Variants in STXBP6 observed in about 807,000 individuals in gnomAD.
STXBP6 encodes syntaxin-binding protein 6.
STXBP6 carries 21 observed loss-of-function variants against 26.9 expected under a neutral mutation model. The observed-to-expected ratio is 0.78, with a 90% CI of 0.55 to 1.12. The LOEUF (loss-of-function observed/expected upper bound fraction) is 1.12, where lower values mean the gene tolerates loss of function less well. STXBP6 is among the 50% of genes most tolerant of loss of function. The probability of loss-of-function intolerance (pLI) is 0.00; values close to 1 mark genes in which losing one functional copy is unlikely to be tolerated. For synonymous variants in STXBP6, 97 were observed against 92.6 expected (o/e 1.05, Z -0.27); for missense variants, 232 against 257.9 (o/e 0.90, Z 0.69).
intron 1 of STXBP6, among the ~76,000 whole-genome samples, chr14:25,039,175 AAAG>A (rs1244709868): frequency 6.6e-6 from 1 of 152,248 alleles, no homozygotes; most frequent in Non-Finnish European, 1.5e-5. Context: ...AAATTTTAAA[AAAG>A]AAGTCCAACA....
chr14:24,973,894 A>T (rs1358741311), intron 2 of STXBP6, among the ~76,000 whole-genome samples: 1 of 152,204 alleles, frequency 6.6e-6, no homozygotes, highest in Non-Finnish European at 1.5e-5. Context: ...AATTGAAGGA[A>T]AGTTTTTAAA....
At chr14:24,843,739 G>C (rs2068854822) in intron 4 of STXBP6, among the ~76,000 whole-genome samples, 1 of 152,100 alleles carries the variant, frequency 6.6e-6, no homozygotes, top group Non-Finnish European at 1.5e-5. Context: ...TCTTTTTAAT[G>C]ACATCATACC....
chr14:24,924,450 A>G (rs559026957), intron 2 of STXBP6, among the ~76,000 whole-genome samples: 144 of 152,304 alleles, frequency 9.5e-4, no homozygotes, highest in Non-Finnish European at 1.7e-3. Context: ...CTTCACAGAA[A>G]TTGCAAATCA....
chr14:24,818,599 A>T (rs112892743), intron 5 of STXBP6, among the ~76,000 whole-genome samples: 2 of 152,282 alleles, frequency 1.3e-5, no homozygotes, highest in African/African-American at 4.8e-5. Context: ...AGAGATAAGG[A>T]CACACTGCTA....
chr14:24,959,410 G>C (rs1328099867), intron 2 of STXBP6, among the ~76,000 whole-genome samples: 1 of 152,094 alleles, frequency 6.6e-6, no homozygotes, highest in African/African-American at 2.4e-5. Flanking sequence ...GCGATGGGGA[G>C]AACACAGAGC....
intron 1 of STXBP6, among the ~76,000 whole-genome samples, chr14:25,024,213 G>T (rs978696277): frequency 1.3e-5 from 2 of 152,078 alleles, no homozygotes; most frequent in African/African-American, 4.8e-5. Flanking sequence ...GGATGCTGAG[G>T]CAGAAGAATT....
intron 4 of STXBP6, among the ~76,000 whole-genome samples, chr14:24,839,632 AG>A (rs2139006890): frequency 6.6e-6 from 1 of 152,306 alleles, no homozygotes; most frequent in East Asian, 1.9e-4. Context: ...TTCTTGAAAA[AG>A]AAAAGTACTA....
At chr14:25,019,873 T>C (rs1234940760) in intron 1 of STXBP6, among the ~76,000 whole-genome samples, 1 of 151,506 alleles carries the variant, frequency 6.6e-6, no homozygotes, top group Non-Finnish European at 1.5e-5. Context: ...CGTGGGTTTT[T>C]TTTTTTTTTT....
chr14:24,934,532 C>T (rs1162477311), intron 2 of STXBP6, among the ~76,000 whole-genome samples: 1 of 152,156 alleles, frequency 6.6e-6, no homozygotes, highest in African/African-American at 2.4e-5. Flanking sequence ...GGATAACAGA[C>T]ATTCCATGAT....
At chr14:24,895,160 G>A (rs1281754035) in intron 2 of STXBP6, among the ~76,000 whole-genome samples, 1 of 152,110 alleles carries the variant, frequency 6.6e-6, no homozygotes, top group African/African-American at 2.4e-5. Context: ...TTTATAGTTG[G>A]CCAAAATAGT....
intron 2 of STXBP6, among the ~76,000 whole-genome samples, chr14:24,919,547 A>G (rs142356424): frequency 0.013 from 1,944 of 151,146 alleles, 21 homozygotes; most frequent in Non-Finnish European, 0.022. Flanking sequence ...TTTTTAAATC[A>G]AATTGCCCTC....
intron 1 of STXBP6, among the ~76,000 whole-genome samples, chr14:25,009,481 A>G (rs1354773233): frequency 6.6e-6 from 1 of 152,210 alleles, no homozygotes; most frequent in Admixed American, 6.5e-5. Flanking sequence ...CCCAAAGCCC[A>G]AAGTGTTAGC....
At chr14:24,889,086 A>C (rs2070695593) in intron 2 of STXBP6, among the ~76,000 whole-genome samples, 1 of 152,070 alleles carries the variant, frequency 6.6e-6, no homozygotes, top group Non-Finnish European at 1.5e-5. Context: ...TAAACAGCAC[A>C]GCCAGGCCAC....
In STXBP6 at chr14:25,049,135, C is replaced by CGGGGT. The variant is rs964792642; in HGVS notation, c.-33+738_-33+742dup. Reference sequence around the variant, plus strand: ...AGGTCCTGTCCTCTGTGAAGATGAACGGGGTGGGGTGGTGAGGTGGCGGGG... The same window carrying CGGGGT: ...AGGTCCTGTCCTCTGTGAAGATGAACGGGGTGGGGTGGGGTGGTGAGGTGGCGGGG... On this transcript the variant is annotated intron_variant, in intron 1 of 5. Transcript: ENST00000323944. This position sits in a 1 kb window ranked among gnomAD's most constrained non-coding sequence, Gnocchi z 5.6. The CGGGGT allele has an allele frequency of 2.2e-5, 22 of 983,042 alleles. No homozygotes were observed. The highest frequency in any genetic ancestry group is 2.5e-5 in the Non-Finnish European group (21 of 827,850). The allele number at this position is 983,042 out of a possible 1,614,324, so 60.9% of individuals were successfully genotyped here. A position where few individuals can be genotyped will look rare whatever the true frequency, so the allele number is the denominator to read the frequency against.
chr14:24,872,507 T>C (rs1347948167), intron 2 of STXBP6, among the ~76,000 whole-genome samples: 2 of 152,134 alleles, frequency 1.3e-5, no homozygotes, highest in Non-Finnish European at 2.9e-5. Context: ...CCCTAAGAGT[T>C]GACAAAATCA....
intron 2 of STXBP6, among the ~76,000 whole-genome samples, chr14:24,905,459 C>T (rs763527789): frequency 2.6e-5 from 4 of 152,158 alleles, no homozygotes; most frequent in Admixed American, 6.6e-5. Flanking sequence ...GGTCTTTCTG[C>T]GCACTCTTCA....
At chr14:24,964,491 T>C (rs2073663251) in intron 2 of STXBP6, among the ~76,000 whole-genome samples, 1 of 152,204 alleles carries the variant, frequency 6.6e-6, no homozygotes. Flanking sequence ...TCCCTCCCTG[T>C]CTCTTCTTCA....
intron 2 of STXBP6, among the ~76,000 whole-genome samples, chr14:24,973,861 TAA>T (rs1220391507): frequency 6.6e-6 from 1 of 152,160 alleles, no homozygotes; most frequent in African/African-American, 2.4e-5. Flanking sequence ...TCCAAAAACA[TAA>T]AGTTTTATTC....
chr14:24,857,360 C>CAATATAATTATAAT (rs2069375920), intron 2 of STXBP6, among the ~76,000 whole-genome samples: 6 of 152,138 alleles, frequency 3.9e-5, no homozygotes, highest in South Asian at 4.1e-4. Context: ...AATCTCCACT[C>CAATATAATTATAAT]TGAAGCAGTT....
Sources: allele counts gnomAD v4.1 joint callset (sites outside exome capture counted in the v4.1 genomes callset), GRCh38; gene constraint gnomAD v4.1.1; non-coding constraint Gnocchi (gnomAD v3.1); transcripts MANE v1.5; gene names NCBI Gene and HGNC (gene_info 2026-07-23, HGNC 2026-07-21).